The following SLC14A2 variants were observed in gnomAD, a reference collection of about 807,000 sequenced individuals.
SLC14A2 encodes the protein urea transporter 2.
SLC14A2 carries 91 observed loss-of-function variants against 104.6 expected under a neutral mutation model. That is an observed-to-expected ratio of 0.87 (90% CI 0.73 to 1.04). The LOEUF (loss-of-function observed/expected upper bound fraction) is 1.04. Among genes scored for constraint, SLC14A2 ranks in the 50% least tolerant of loss-of-function variants. The pLI, the probability that SLC14A2 is intolerant of heterozygous loss-of-function variation, is 0.00. For missense variants in SLC14A2, 1,189 were observed against 1,156.0 expected, an observed-to-expected ratio of 1.03 and a Z score of -0.41; for synonymous variants, 476 against 466.4, an observed-to-expected ratio of 1.02 and a Z score of -0.27.
chr18:45,326,728 G>T (rs1185173669), intron 1 of SLC14A2, among the ~76,000 whole-genome samples: 1 of 152,202 alleles, frequency 6.6e-6, no homozygotes, highest in Non-Finnish European at 1.5e-5. Context: ...GCCTTTCCAG[G>T]CACGCCTCTT....
At chr18:45,417,738 T>A (rs1349989063) in intron 1 of SLC14A2, among the ~76,000 whole-genome samples, 3 of 152,222 alleles carry the variant, frequency 2.0e-5, no homozygotes, top group African/African-American at 7.2e-5. Flanking sequence ...TGATAATAAT[T>A]GTCATTGCCT....
chr18:45,416,346 C>T (rs772061483), intron 1 of SLC14A2, among the ~76,000 whole-genome samples: 2 of 150,440 alleles, frequency 1.3e-5, no homozygotes, highest in African/African-American at 4.9e-5. Flanking sequence ...TCTGGCTGCT[C>T]TACACCAAAT....
At chr18:45,342,208 A>G (rs2085403072) in intron 1 of SLC14A2, among the ~76,000 whole-genome samples, 1 of 152,210 alleles carries the variant, frequency 6.6e-6, no homozygotes. Flanking sequence ...AATAATGATA[A>G]TCAACTCTGT....
At chr18:45,415,268 A>C (rs1040475151) in intron 1 of SLC14A2, among the ~76,000 whole-genome samples, 1 of 152,124 alleles carries the variant, frequency 6.6e-6, no homozygotes, top group African/African-American at 2.4e-5. Context: ...ACCTGGGGTC[A>C]GGGGGTGTGT....
chr18:45,610,996 G>C (rs1236762028), upstream of SLC14A2, among the ~76,000 whole-genome samples: 1 of 152,172 alleles, frequency 6.6e-6, no homozygotes, highest in African/African-American at 2.4e-5. Flanking sequence ...TTGCCAGGAT[G>C]AGAAACACCA....
intron 1 of SLC14A2, among the ~76,000 whole-genome samples, chr18:45,303,087 G>A (rs76020601): frequency 0.018 from 2,667 of 152,288 alleles, 37 homozygotes; most frequent in Middle Eastern, 0.037. Flanking sequence ...GTTTAATTGA[G>A]CATTGAAACG....
At chr18:45,179,829 A>T in the SLC14A2 span, 2 of 151,694 alleles carry the variant, frequency 1.3e-5, no homozygotes, top group African/African-American at 2.4e-5. Flanking sequence ...CTTACAAATG[A>T]TAGGAAGCAG....
intron 1 of SLC14A2, among the ~76,000 whole-genome samples, chr18:45,371,257 C>T (rs1330124993): frequency 6.6e-6 from 1 of 152,180 alleles, no homozygotes; most frequent in Non-Finnish European, 1.5e-5. Context: ...CCAAACTGGA[C>T]TATCTCCTGT....
rs1165499781 is a variant in SLC14A2 at position 45,663,787 on chromosome 18, G to A, written c.1354G>A (p.Gly452Ser). The A allele has an allele frequency of 1.9e-6, 3 of 1,612,300 alleles. No individual in the cohort carries two copies. Among genetic ancestry groups the A allele is most frequent in the Admixed American group, 3.3e-5 (2 of 59,978 alleles). The change falls in exon 11 of 20, where the codon GGC becomes AGC. Residue 452 changes from glycine (G) to serine (S), a missense_variant and splice_region_variant. By Grantham distance (56) the Gly-to-Ser change is moderately conservative (BLOSUM62 0). Transcript: ENST00000255226. ...TGTCTTGTTTTGCCCCTGGCTAGGA[G>A]GCGGTGGGGAGCATCCACCCACAGC... Reference protein sequence around the residue: ...SGEEEKAPSGGGGEHPPTAGP... With the variant: ...SGEEEKAPSGSGGEHPPTAGP...
intron 1 of SLC14A2, among the ~76,000 whole-genome samples, chr18:45,326,724 C>T (rs953899506): frequency 6.6e-6 from 1 of 152,226 alleles, no homozygotes; most frequent in African/African-American, 2.4e-5. Context: ...GCTGGCCTTT[C>T]CAGGCACGCC....
At chr18:45,483,414 T>C (rs2087535029) in intron 2 of SLC14A2, 1 of 152,198 alleles carries the variant, frequency 6.6e-6, no homozygotes, top group Non-Finnish European at 1.5e-5. Flanking sequence ...AAATTATTTT[T>C]CCCTCTGGGG....
chr18:45,403,130 T>G (rs1033201278), intron 1 of SLC14A2, among the ~76,000 whole-genome samples: 11 of 152,182 alleles, frequency 7.2e-5, no homozygotes, highest in Non-Finnish European at 1.5e-4. Flanking sequence ...GAAGACTCCC[T>G]TCTCGGCTTT....
At chr18:45,577,242 A>G (rs1487460060) in intron 2 of SLC14A2, among the ~76,000 whole-genome samples, 1 of 151,972 alleles carries the variant, frequency 6.6e-6, no homozygotes, top group African/African-American at 2.4e-5. Context: ...CTTAATACAC[A>G]TGGTAGATGA....
intron 1 of SLC14A2, among the ~76,000 whole-genome samples, chr18:45,365,326 T>G (rs2085655892): frequency 6.6e-6 from 1 of 152,268 alleles, no homozygotes; most frequent in South Asian, 2.1e-4. Context: ...TTATAGGAAC[T>G]TCTTACTATA....
At position 45,666,207 on chromosome 18, in the gene SLC14A2, A is replaced by G; in HGVS notation, c.1545A>G (p.Thr515=). The G allele has an allele frequency of 6.2e-7, 1 of 1,612,292 alleles. No individual in the cohort carries two copies. The highest frequency in any genetic ancestry group is 8.5e-7 in the Non-Finnish European group (1 of 1,178,306). Residue 515 remains threonine, a synonymous_variant, in exon 12 of 20, where the codon ACA becomes ACG. Coordinates refer to ENST00000255226, the MANE Select transcript of SLC14A2 (RefSeq NM_007163.4). The part of the protein sequence containing the change: ...DPFPYRYRKP[T]VELLDLDTME... Reference sequence around the variant, plus strand: ...TTCCCTATCGATACCGGAAGCCCACAGTCGAGCTGCTTGTGAGTACTGAGT... The same window carrying G: ...TTCCCTATCGATACCGGAAGCCCACGGTCGAGCTGCTTGTGAGTACTGAGT...
intron 2 of SLC14A2, among the ~76,000 whole-genome samples, chr18:45,512,140 G>A (rs766543290): frequency 2.0e-5 from 3 of 152,164 alleles, no homozygotes; most frequent in African/African-American, 4.8e-5. Flanking sequence ...GCATGTACAG[G>A]AGCACATTTC....
At chr18:45,595,650 G>C (rs1186109814) in intron 2 of SLC14A2, among the ~76,000 whole-genome samples, 1 of 152,176 alleles carries the variant, frequency 6.6e-6, no homozygotes, top group Non-Finnish European at 1.5e-5. Context: ...ATGTGTGCCT[G>C]AAACAGCAAA....
At chr18:45,632,724 C>G (rs1306518963) in intron 5 of SLC14A2, among the ~76,000 whole-genome samples, 1 of 152,216 alleles carries the variant, frequency 6.6e-6, no homozygotes, top group African/African-American at 2.4e-5. Context: ...GTCGTCCAGG[C>G]TGGAGTGCAG....
chr18:45,272,900 A>C (rs1311904737), intron 1 of SLC14A2, among the ~76,000 whole-genome samples: 1 of 152,130 alleles, frequency 6.6e-6, no homozygotes. Context: ...TGCACACACA[A>C]AAATTTTTTT....
Sources: gnomAD v4.1 joint callset for allele counts (sites outside exome capture counted in the v4.1 genomes callset) on GRCh38, gnomAD v4.1.1 for gene constraint, MANE v1.5 for transcripts, NCBI Gene and HGNC (gene_info 2026-07-23, HGNC 2026-07-21) for gene names.